The following GLIS3 variants were observed in gnomAD, a reference collection of about 807,000 sequenced individuals.
GLIS3 encodes zinc finger protein GLIS3.
Under a neutral mutation model 78.6 loss-of-function variants are expected in GLIS3, and 53 were observed. The ratio of observed to expected loss-of-function variants is 0.67; its 90% CI spans 0.54 to 0.85. The LOEUF (loss-of-function observed/expected upper bound fraction) is 0.85. Among genes scored for constraint, GLIS3 ranks in the 40% least tolerant of loss-of-function variants. The probability of loss-of-function intolerance (pLI) is 0.00; values close to 1 mark genes in which losing one functional copy is unlikely to be tolerated. For synonymous variants in GLIS3, 684 were observed against 509.9 expected, an observed-to-expected ratio of 1.34 and a Z score of -4.60; for missense variants, 1,703 against 1,231.1, an observed-to-expected ratio of 1.38 and a Z score of -5.74.
At chr9:3,838,049 T>C (rs1224044050) in intron 9 of GLIS3, among the ~76,000 whole-genome samples, 1 of 152,100 alleles carries the variant, frequency 6.6e-6, no homozygotes, top group Non-Finnish European at 1.5e-5. Flanking sequence ...ACTACATTTT[T>C]CTGTGAACCC....
the GLIS3 span, among the ~76,000 whole-genome samples, chr9:4,368,855 G>T: frequency 1.3e-5 from 2 of 152,166 alleles, no homozygotes; most frequent in Admixed American, 6.5e-5. Flanking sequence ...CTAAGAACTT[G>T]CTGGTTTATA....
chr9:4,351,899 G>C (rs1319534307), upstream of GLIS3, among the ~76,000 whole-genome samples: 1 of 152,098 alleles, frequency 6.6e-6, no homozygotes, highest in Admixed American at 6.6e-5. Flanking sequence ...TCTGAATCTG[G>C]AGAAAAATAT....
chr9:3,864,536 T>C (rs1310373643), intron 8 of GLIS3, among the ~76,000 whole-genome samples: 1 of 152,210 alleles, frequency 6.6e-6, no homozygotes, highest in Non-Finnish European at 1.5e-5. Flanking sequence ...CTGCCAAGTG[T>C]GGTCAGGTAC....
At chr9:4,288,902 G>C (rs186313064) in intron 1 of GLIS3, among the ~76,000 whole-genome samples, 66 of 152,122 alleles carry the variant, frequency 4.3e-4, no homozygotes, top group Non-Finnish European at 5.9e-4. Flanking sequence ...TGAAAATATG[G>C]CGAATATTCC....
intron 2 of GLIS3, among the ~76,000 whole-genome samples, chr9:4,229,136 C>A (rs866788317): frequency 6.6e-6 from 1 of 152,042 alleles, no homozygotes. Context: ...AAGGTAATAT[C>A]CATGTATAAA....
intron 4 of GLIS3, among the ~76,000 whole-genome samples, chr9:4,089,834 C>A (rs541750648): frequency 2.8e-4 from 43 of 152,000 alleles, no homozygotes; most frequent in African/African-American, 9.9e-4. Flanking sequence ...CAACAAAAAC[C>A]CATAAAAAAT....
At chr9:4,269,395 T>C (rs559588845) in intron 2 of GLIS3, among the ~76,000 whole-genome samples, 1 of 152,342 alleles carries the variant, frequency 6.6e-6, no homozygotes, top group South Asian at 2.1e-4. Flanking sequence ...TTATTTAGGC[T>C]ACACTTATAC....
chr9:4,426,637 T>C, the GLIS3 span, among the ~76,000 whole-genome samples: 1 of 152,242 alleles, frequency 6.6e-6, no homozygotes, highest in African/African-American at 2.4e-5. Flanking sequence ...TCACCATCCA[T>C]CATGGATTAT....
intron 4 of GLIS3, among the ~76,000 whole-genome samples, chr9:4,046,435 C>G (rs1388333126): frequency 6.6e-6 from 1 of 152,014 alleles, no homozygotes; most frequent in Non-Finnish European, 1.5e-5. Flanking sequence ...CACTTTGGGG[C>G]CCAAATAAAC....
intron 2 of GLIS3, among the ~76,000 whole-genome samples, chr9:4,326,386 G>T (rs1377070167): frequency 1.3e-5 from 2 of 152,142 alleles, no homozygotes; most frequent in Admixed American, 1.3e-4. Flanking sequence ...CAAAAGCAAG[G>T]AAATGCGGAC....
intron 2 of GLIS3, among the ~76,000 whole-genome samples, chr9:4,341,124 T>G (rs894395009): frequency 1.3e-5 from 2 of 152,226 alleles, no homozygotes; most frequent in African/African-American, 4.8e-5. Context: ...CTTATGTGTT[T>G]CCTTTTTGGG....
chr9:4,056,898 C>CTT (rs34752011), intron 4 of GLIS3, among the ~76,000 whole-genome samples: 1,459 of 97,956 alleles, frequency 0.015, 44 homozygotes, highest in East Asian at 0.029. Context: ...CTTCAAGACA[C>CTT]TTTTTTTTTT....
chr9:4,147,936 G>C (rs1834357583), intron 2 of GLIS3, among the ~76,000 whole-genome samples: 1 of 152,148 alleles, frequency 6.6e-6, no homozygotes, highest in Admixed American at 6.5e-5. Context: ...TCAACTTACT[G>C]TCGGCTGTTT....
At chr9:4,358,348 A>C in the GLIS3 span, among the ~76,000 whole-genome samples, 1 of 152,090 alleles carries the variant, frequency 6.6e-6, no homozygotes, top group Non-Finnish European at 1.5e-5. Context: ...ACTAATACAA[A>C]GTTGATAAAT....
intron 2 of GLIS3, among the ~76,000 whole-genome samples, chr9:4,176,214 C>A (rs934360005): frequency 4.6e-5 from 7 of 152,150 alleles, no homozygotes; most frequent in African/African-American, 1.4e-4. Context: ...TCATTTCTCC[C>A]TCTCTTACAA....
intron 9 of GLIS3, among the ~76,000 whole-genome samples, chr9:3,854,986 C>G (rs1298274128): frequency 2.0e-5 from 3 of 152,170 alleles, no homozygotes; most frequent in Non-Finnish European, 4.4e-5. Context: ...ATAACTCATA[C>G]AGAGAAAATT....
intron 8 of GLIS3, among the ~76,000 whole-genome samples, chr9:3,872,390 G>T (rs145848905): frequency 6.6e-6 from 1 of 152,136 alleles, no homozygotes; most frequent in South Asian, 2.1e-4. Context: ...TTATTAGTCT[G>T]TTTTCATGCT....
intron 2 of GLIS3, among the ~76,000 whole-genome samples, chr9:4,168,729 A>G (rs944740665): frequency 6.6e-6 from 1 of 152,216 alleles, no homozygotes; most frequent in Admixed American, 6.5e-5. Flanking sequence ...AATGCCAAAT[A>G]CTTTTCCAGT....
chr9:4,193,653 C>G (rs1818532109), intron 2 of GLIS3, among the ~76,000 whole-genome samples: 1 of 152,216 alleles, frequency 6.6e-6, no homozygotes. Context: ...GAGATAATTT[C>G]AAGTTGCTGT....
Sources: allele counts gnomAD v4.1 joint callset (sites outside exome capture counted in the v4.1 genomes callset), GRCh38; gene constraint gnomAD v4.1.1; transcripts MANE v1.5; gene names NCBI Gene and HGNC (gene_info 2026-07-23, HGNC 2026-07-21).